The following PBX1 variants were observed in gnomAD, a reference collection of about 807,000 sequenced individuals.
PBX1 encodes the protein PBX homeobox 1, also known as pre-B-cell leukemia transcription factor 1.
PBX1 carries 6 observed loss-of-function variants against 53.4 expected under a neutral mutation model. That is an observed-to-expected ratio of 0.11 (90% CI 0.06 to 0.22). The LOEUF (loss-of-function observed/expected upper bound fraction) is 0.22. PBX1 is among the 10% of genes least tolerant of loss of function. The pLI, the probability that PBX1 is intolerant of heterozygous loss-of-function variation, is 1.00. For synonymous variants in PBX1, 204 were observed against 212.3 expected (o/e 0.96, Z 0.34); for missense variants, 251 against 551.4 (o/e 0.46, Z 5.46).
At chr1:164,717,870 A>G (rs1018764671) in intron 2 of PBX1, among the ~76,000 whole-genome samples, 1 of 152,214 alleles carries the variant, frequency 6.6e-6, no homozygotes, top group African/African-American at 2.4e-5. Context: ...AGTACCTAGC[A>G]TAACTTCAGT....
At position 164,725,976 on chromosome 1, in the gene PBX1, G is replaced by C. The variant is rs78614103; in HGVS notation, c.266-66518G>C. ...AAATTTAACCACCTTAGAGCTTCTG[G>C]AATTTTCTTCTCTTGTGTTCAACTG... On this transcript the variant is annotated intron_variant, in intron 2 of 8. Transcript: ENST00000420696. Among the ~76,000 whole-genome samples the C allele has an allele frequency of 4.3e-4, 66 of 152,230 alleles. 1 individual carries two copies. In the East Asian group the frequency reaches 0.012, roughly 28 times the overall value.
chr1:164,566,220 G>A (rs1653423180), intron 2 of PBX1, among the ~76,000 whole-genome samples: 1 of 152,100 alleles, frequency 6.6e-6, no homozygotes. Flanking sequence ...TGATTGATGG[G>A]TGTTTAAGTC....
intron 6 of PBX1, chr1:164,814,934 C>T (rs1208180761): frequency 1.3e-5 from 2 of 151,778 alleles, no homozygotes; most frequent in South Asian, 2.1e-4. Flanking sequence ...AGACTAAAAC[C>T]CGGGGGGATT....
chr1:164,783,780 C>T (rs2102280601), intron 2 of PBX1, among the ~76,000 whole-genome samples: 1 of 152,180 alleles, frequency 6.6e-6, no homozygotes, highest in Non-Finnish European at 1.5e-5. Flanking sequence ...CGTGCCCATA[C>T]TTATACTTTT....
intron 3 of PBX1, among the ~76,000 whole-genome samples, chr1:164,797,784 C>A (rs924615469): frequency 1.3e-5 from 2 of 152,200 alleles, no homozygotes; most frequent in Non-Finnish European, 2.9e-5. Context: ...TATAGTAACT[C>A]ATTTAATCCT....
At chr1:164,667,259 A>G (rs993662844) in intron 2 of PBX1, among the ~76,000 whole-genome samples, 2 of 152,256 alleles carry the variant, frequency 1.3e-5, no homozygotes, top group African/African-American at 4.8e-5. Context: ...TTGCATGGCA[A>G]TGAGCTAAGT....
At chr1:164,739,203 C>T (rs1665460196) in intron 2 of PBX1, among the ~76,000 whole-genome samples, 1 of 152,166 alleles carries the variant, frequency 6.6e-6, no homozygotes, top group South Asian at 2.1e-4. Flanking sequence ...CTGGCGCAAA[C>T]CAATCATAGA....
intron 2 of PBX1, among the ~76,000 whole-genome samples, chr1:164,692,674 A>G (rs188189176): frequency 6.6e-6 from 1 of 152,330 alleles, no homozygotes; most frequent in East Asian, 1.9e-4. Context: ...AACAGGGCCA[A>G]ACAAGGGTGG....
chr1:164,658,995 G>T (rs542096447), intron 2 of PBX1, among the ~76,000 whole-genome samples: 13 of 152,252 alleles, frequency 8.5e-5, no homozygotes, highest in Non-Finnish European at 1.6e-4. Flanking sequence ...CATTCCCATT[G>T]TCTCACTAAG....
At chr1:164,658,122 G>A (rs565920497) in intron 2 of PBX1, among the ~76,000 whole-genome samples, 2 of 150,050 alleles carry the variant, frequency 1.3e-5, no homozygotes, top group South Asian at 4.2e-4. Context: ...AACTCATAAT[G>A]GCATTCAGAA....
At chr1:164,614,094 T>G (rs1657113434) in intron 2 of PBX1, among the ~76,000 whole-genome samples, 1 of 152,206 alleles carries the variant, frequency 6.6e-6, no homozygotes, top group African/African-American at 2.4e-5. Flanking sequence ...GCACAGTTCC[T>G]TGCCCAGAAT....
chr1:164,787,933 T>C (rs1256237099), intron 2 of PBX1, among the ~76,000 whole-genome samples: 1 of 152,238 alleles, frequency 6.6e-6, no homozygotes. Context: ...GCAGATTGCA[T>C]ATCCACTGCA....
chr1:164,592,400 A>G (rs1655454312), intron 2 of PBX1, among the ~76,000 whole-genome samples: 1 of 152,216 alleles, frequency 6.6e-6, no homozygotes, highest in South Asian at 2.1e-4. Flanking sequence ...CTAGTAGCCC[A>G]ACTTTCCAAA....
At chr1:164,612,346 C>G (rs1656989349) in intron 2 of PBX1, among the ~76,000 whole-genome samples, 1 of 152,048 alleles carries the variant, frequency 6.6e-6, no homozygotes, top group South Asian at 2.1e-4. Context: ...TGAGCAGCTG[C>G]AACGGTTGAG....
chr1:164,749,227 A>G (rs1666064752), intron 2 of PBX1, among the ~76,000 whole-genome samples: 1 of 152,216 alleles, frequency 6.6e-6, no homozygotes, highest in African/African-American at 2.4e-5. Context: ...TTGCATATAT[A>G]ATATATTAGC....
chr1:164,573,401 T>C (rs1166575033), intron 2 of PBX1, among the ~76,000 whole-genome samples: 1 of 151,852 alleles, frequency 6.6e-6, no homozygotes, highest in East Asian at 1.9e-4. Flanking sequence ...AACATAAAAA[T>C]TAATGAGATA....
At chr1:164,842,008 T>C (rs1671322413) in intron 8 of PBX1, among the ~76,000 whole-genome samples, 1 of 152,180 alleles carries the variant, frequency 6.6e-6, no homozygotes, top group African/African-American at 2.4e-5. Flanking sequence ...AGTGCCAGGC[T>C]TGCTTGGGCT....
chr1:164,646,024 A>G (rs548670234), intron 2 of PBX1, among the ~76,000 whole-genome samples: 1 of 152,326 alleles, frequency 6.6e-6, no homozygotes, highest in South Asian at 2.1e-4. Context: ...GATTATGGCA[A>G]CTGCCCTGGG....
chr1:164,580,300 A>G (rs931839706), intron 2 of PBX1, among the ~76,000 whole-genome samples: 11 of 151,976 alleles, frequency 7.2e-5, no homozygotes, highest in Non-Finnish European at 1.3e-4. Flanking sequence ...ATTTTTTGAG[A>G]TGGAATCTCA....
Sources: gnomAD v4.1 joint callset for allele counts (sites outside exome capture counted in the v4.1 genomes callset) on GRCh38, gnomAD v4.1.1 for gene constraint, MANE v1.5 for transcripts, NCBI Gene and HGNC (gene_info 2026-07-23, HGNC 2026-07-21) for gene names.